Variants in CCNL1 observed in about 807,000 individuals in gnomAD.
CCNL1 encodes the protein cyclin-L1.
CCNL1 carries 13 observed loss-of-function variants against 60.6 expected under a neutral mutation model. The observed-to-expected ratio is 0.21, with a 90% CI of 0.14 to 0.34. CCNL1 has a LOEUF of 0.34. Among genes scored for constraint, CCNL1 ranks in the 10% least tolerant of loss-of-function variants. CCNL1 has a pLI of 1.00. For synonymous variants in CCNL1, 270 were observed against 244.3 expected, an observed-to-expected ratio of 1.10 and a Z score of -0.98; for missense variants, 481 against 664.3, an observed-to-expected ratio of 0.72 and a Z score of 3.03.
At chr3:157,143,382 C>T (rs1251783013), downstream of CCNL1, among the ~76,000 whole-genome samples, 1 of 152,044 alleles carries the variant, frequency 6.6e-6, no homozygotes, top group Non-Finnish European at 1.5e-5. Context: ...ATTGGACATG[C>T]CCATATGAAA....
At chr3:157,156,398 T>C (rs999811748) in intron 3 of CCNL1, among the ~76,000 whole-genome samples, 1 of 151,314 alleles carries the variant, frequency 6.6e-6, no homozygotes, top group Admixed American at 6.6e-5. Context: ...AAATACATTG[T>C]ATTTACTAAT....
chr3:157,159,854 C>G lies in CCNL1; in HGVS notation c.241G>C (p.Asp81His). Residue 81 changes from aspartate to histidine, a missense_variant, in exon 1 of 11, where the codon GAC becomes CAC. This residue lies in a region of CCNL1 where 130 missense variants were observed against 174.5 expected (regional missense o/e 0.75). Coordinates refer to ENST00000295926, the MANE Select transcript of CCNL1 (RefSeq NM_020307.4). ...AGCTCGCAGCCCAGGATGCGTAAGTCCGTCTCACTGGGCAGGTCGAGCCCA... is the reference window on the plus strand; with the variant it reads ...AGCTCGCAGCCCAGGATGCGTAAGTGCGTCTCACTGGGCAGGTCGAGCCCA... ...QDGLDLPSETDLRILGCELIQ... is the reference protein window; with the variant it reads ...QDGLDLPSETHLRILGCELIQ... The G allele has an allele frequency of 6.4e-7, 1 of 1,573,332 alleles. No homozygotes were observed. The highest frequency in any genetic ancestry group is 8.6e-7 in the Non-Finnish European group (1 of 1,158,534).
rs1343848013 is a variant in CCNL1 at position 157,149,524 on chromosome 3, G to T, written c.1094C>A (p.Pro365His). Residue 365 changes from proline (P) to histidine (H), a missense_variant, in exon 9 of 11, where the codon CCT becomes CAT. This residue lies in a region of CCNL1 where 197 missense variants were observed against 233.9 expected (regional missense o/e 0.84). Transcript: ENST00000295926. The stretch of plus-strand genomic sequence containing the variant: ...TTTGGAAGCCTGTTGTCTATCCTCA[G>T]GTTCTTTTTTGACTGTCTTCACATT... ...SINVKTVKKE[P>H]EDRQQASKSP... 2 of 1,613,960 alleles carry T rather than the reference G, an allele frequency of 1.2e-6. No homozygotes were observed. The highest frequency in any genetic ancestry group is 2.2e-5 in the East Asian group (1 of 44,868).
chr3:157,149,421 G>T, intron 9 of CCNL1, 36 bp from the exon 10 acceptor site: 1 of 1,607,012 alleles, frequency 6.2e-7, no homozygotes, highest in South Asian at 1.1e-5. Flanking sequence ...TACAAACTTA[G>T]TGTGTTAAAA....
chr3:157,150,485 A>T (rs1424958674), intron 5 of CCNL1, 104 bp from the exon 6 acceptor site: 1 of 1,470,440 alleles, frequency 6.8e-7, no homozygotes, highest in Non-Finnish European at 9.1e-7. Context: ...TTCTTCTCTT[A>T]TTTATATTCA....
chr3:157,159,308 A>C, intron 2 of CCNL1, 97 bp downstream of exon 2: 1 of 1,139,202 alleles, frequency 8.8e-7, no homozygotes, highest in South Asian at 1.3e-5. Flanking sequence ...CCTAAACTAA[A>C]CCACTCCCTT....
At chr3:157,159,525 C>T (rs764016929) in intron 1 of CCNL1, 46 bp from the exon 2 acceptor site, 3 of 1,537,728 alleles carry the variant, frequency 2.0e-6, no homozygotes, top group Non-Finnish European at 2.7e-6. Context: ...CAGGCGGGCC[C>T]GCTCCAGGCG....
chr3:157,159,613 G>A (rs1000491333), intron 1 of CCNL1, 134 bp from the exon 2 acceptor site: 14 of 1,008,610 alleles, frequency 1.4e-5, no homozygotes, highest in Middle Eastern at 3.0e-4. Context: ...CCGCTGCCAA[G>A]TCCTCCCTCC....
chr3:157,159,959 G>A lies in CCNL1; in HGVS notation c.136C>T (p.Leu46=). The part of the protein sequence containing the change: ...TTGGILIGDR[L]YSEVSLTIDH... The stretch of plus-strand genomic sequence containing the variant: ...ATGGTAAGTGAAACTTCCGAGTACA[G>A]GCGATCGCCGATCAGGATCCCTCCC... Residue 46 remains leucine, a synonymous_variant, in exon 1 of 11, where the codon CTG becomes TTG. Transcript: ENST00000295926. 1.3e-6 allele frequency: 2 copies of A among 1,598,058 alleles called. No individual in the cohort carries two copies. Among genetic ancestry groups the A allele is most frequent in the Non-Finnish European group, 1.7e-6 (2 of 1,172,342 alleles).
chr3:157,158,821 T>C, intron 3 of CCNL1, 45 bp downstream of exon 3: 3 of 1,222,994 alleles, frequency 2.5e-6, no homozygotes, highest in South Asian at 1.2e-5. Flanking sequence ...TGGTGCACGG[T>C]ACAGCAGTAG....
chr3:157,154,968 A>ACATACATACATG lies in CCNL1; in HGVS notation c.489-1813_489-1812insCATGTATGTATG, dbSNP rs1738506661. Reference sequence around the variant, plus strand: ...TACATACATACATACATACATACATACATATAAACATATTCCAAAGATCTT... The same window carrying ACATACATACATG: ...TACATACATACATACATACATACATACATACATACATGCATATAAACATATTCCAAAGATCTT... On this transcript the variant is annotated intron_variant, in intron 3 of 10. Coordinates refer to ENST00000295926, the MANE Select transcript of CCNL1 (RefSeq NM_020307.4). Among the ~76,000 whole-genome samples, 2 of 152,142 alleles carry ACATACATACATG rather than the reference A, an allele frequency of 1.3e-5. 1 individual carries two copies. The highest frequency in any genetic ancestry group is 1.3e-4 in the Admixed American group (2 of 15,262).
At chr3:157,159,154 C>G in intron 2 of CCNL1, 179 bp from the exon 3 acceptor site, 2 of 631,544 alleles carry the variant, frequency 3.2e-6, no homozygotes. Context: ...AATTTTGGTT[C>G]CAGAGTCAAA....
chr3:157,159,027 A>G (rs2108141611), intron 2 of CCNL1, 52 bp from the exon 3 acceptor site: 1 of 1,238,534 alleles, frequency 8.1e-7, no homozygotes, highest in Non-Finnish European at 1.2e-6. Flanking sequence ...ACTCACTTTG[A>G]AGAATAAAAT....
rs532947824 is a variant in CCNL1 at position 157,159,872 on chromosome 3, C to T, written c.223G>A (p.Asp75Asn). ...SPTPSMQDGL[D>N]LPSETDLRIL... Reference sequence around the variant, plus strand: ...CGTAAGTCCGTCTCACTGGGCAGGTCGAGCCCATCCTGCATGGATGGGGTG... The same window carrying T: ...CGTAAGTCCGTCTCACTGGGCAGGTTGAGCCCATCCTGCATGGATGGGGTG... The change falls in exon 1 of 11, where the codon GAC becomes AAC. Residue 75 changes from aspartate to asparagine, a missense_variant. Coordinates refer to ENST00000295926, the MANE Select transcript of CCNL1 (RefSeq NM_020307.4). The T allele has an allele frequency of 6.3e-7, 1 of 1,593,762 alleles. No individual in the cohort carries two copies. The highest frequency in any genetic ancestry group is 1.3e-5 in the African/African-American group (1 of 74,658).
chr3:157,156,715 C>A (rs748098532), intron 3 of CCNL1, among the ~76,000 whole-genome samples: 6 of 152,178 alleles, frequency 3.9e-5, no homozygotes, highest in African/African-American at 7.2e-5. Flanking sequence ...CAAAGTCACA[C>A]TACAATTTAA....
intron 4 of CCNL1, 78 bp from the exon 5 acceptor site, chr3:157,152,319 G>A (rs1738254745): frequency 6.4e-7 from 1 of 1,552,738 alleles, no homozygotes; most frequent in Non-Finnish European, 8.7e-7. Flanking sequence ...AAAAGTAATT[G>A]AAAATGTTAG....
chr3:157,159,708 C>T (rs1738927995), intron 1 of CCNL1, 84 bp downstream of exon 1: 1 of 1,284,808 alleles, frequency 7.8e-7, no homozygotes, highest in Non-Finnish European at 1.1e-6. Context: ...CCCACCCTCC[C>T]GGGGCACGGT....
At position 157,149,986 on chromosome 3, in the gene CCNL1, G is replaced by GA. The variant is rs774148645; in HGVS notation, c.880-10_880-9insT. ...AGTAATTCATAGTTTGGCTGTTGGA[G>GA]GAAAAAAAAGTTAGTATTTCTTCCT... On this transcript the variant is annotated splice_polypyrimidine_tract_variant and intron_variant, in intron 7 of 10. Transcript: ENST00000295926. The GA allele has an allele frequency of 1.9e-5, 29 of 1,535,658 alleles. No homozygotes were observed. In the African/African-American group the frequency reaches 4.4e-4, roughly 23 times the overall value.
intron 1 of CCNL1, 141 bp downstream of exon 1, chr3:157,159,651 C>G: frequency 9.7e-7 from 1 of 1,027,628 alleles, no homozygotes; most frequent in Non-Finnish European, 1.4e-6. Flanking sequence ...CCCCGGCACG[C>G]CCCGGCCGCG....
Sources: gnomAD v4.1 joint callset for allele counts (sites outside exome capture counted in the v4.1 genomes callset) on GRCh38, gnomAD v4.1.1 for gene constraint, gnomAD v4.1.1 regional missense constraint, MANE v1.5 for transcripts, NCBI Gene and HGNC (gene_info 2026-07-23, HGNC 2026-07-21) for gene names.